Variants in ANK3 observed in about 807,000 individuals in gnomAD.
The protein encoded by ANK3 is ankyrin-3.
A neutral mutation model predicts 370.9 loss-of-function variants in ANK3; 57 were observed. That is an observed-to-expected ratio of 0.15 (90% CI 0.12 to 0.19). The LOEUF (loss-of-function observed/expected upper bound fraction) is 0.19, where lower values mean the gene tolerates loss of function less well. Ranked by LOEUF, ANK3 falls within the 10% of genes least tolerant of loss-of-function variation. The pLI, the probability that ANK3 is intolerant of heterozygous loss-of-function variation, is 1.00. For synonymous variants in ANK3, 1,929 were observed against 1,946.3 expected (o/e 0.99, Z 0.23); for missense variants, 4,439 against 5,302.1 (o/e 0.84, Z 5.06).
At chr10:60,363,073 G>A (rs1351407412) in intron 1 of ANK3, among the ~76,000 whole-genome samples, 3 of 144,880 alleles carry the variant, frequency 2.1e-5, no homozygotes, top group African/African-American at 5.0e-5. Context: ...CTGGGGTTGC[G>A]GCGGGCGGGC....
intron 25 of ANK3, among the ~76,000 whole-genome samples, chr10:60,120,696 A>T (rs1169580433): frequency 6.6e-6 from 1 of 152,220 alleles, no homozygotes; most frequent in African/African-American, 2.4e-5. Context: ...AGACATACAA[A>T]TGGCAAACCG....
rs10994393 is a variant in ANK3 at position 60,513,869 on chromosome 10, G to A, written c.96+101317C>T. On this transcript the variant is annotated intron_variant, in intron 2 of 43. Coordinates refer to the ANK3 transcript ENST00000373827. ...AACCCTGAGCAACATGCGTTTGCAC[G>A]GAGTGAGTCCACTTATACACGGACC... Among the ~76,000 whole-genome samples the A allele has an allele frequency of 8.0e-3, 1,215 of 152,176 alleles. 9 individuals carry two copies. The highest frequency in any genetic ancestry group is 0.011 in the Non-Finnish European group (720 of 67,998).
chr10:60,223,191 CTT>C, intron 8 of ANK3, among the ~76,000 whole-genome samples: 2 of 152,346 alleles, frequency 1.3e-5, no homozygotes, highest in African/African-American at 4.8e-5. Flanking sequence ...CCCTGCCACT[CTT>C]ATCAATCTGA....
intron 4 of ANK3, among the ~76,000 whole-genome samples, chr10:60,275,142 G>A (rs2098068876): frequency 6.6e-6 from 1 of 152,136 alleles, no homozygotes; most frequent in Non-Finnish European, 1.5e-5. Flanking sequence ...TAGCTAAAAA[G>A]GAATATATGG....
In ANK3 at chr10:60,526,160, A is replaced by C. The variant is rs113200568; in HGVS notation, c.96+89026T>G. Among the ~76,000 whole-genome samples, 90 of 152,250 alleles carry C rather than the reference A, an allele frequency of 5.9e-4. 1 individual carries two copies. The highest frequency in any genetic ancestry group is 1.9e-3 in the African/African-American group (81 of 41,572). ...CTTGCATAATTCCCTTAGTTAACAG[A>C]GTCCTCTCAGTGAAATCCAATACAC... On this transcript the variant is annotated intron_variant, in intron 2 of 43. Transcript: ENST00000373827.
At chr10:60,480,254 A>C (rs988284961) in intron 2 of ANK3, among the ~76,000 whole-genome samples, 20 of 152,168 alleles carry the variant, frequency 1.3e-4, no homozygotes, top group Admixed American at 2.6e-4. Context: ...TGTCCATGAG[A>C]GCTCAAGACC....
intron 4 of ANK3, among the ~76,000 whole-genome samples, chr10:60,271,058 A>G (rs2097970739): frequency 6.6e-6 from 1 of 152,138 alleles, no homozygotes; most frequent in African/African-American, 2.4e-5. Context: ...TTTTCCTACT[A>G]AAAAAATGTT....
intron 2 of ANK3, among the ~76,000 whole-genome samples, chr10:60,536,492 C>T (rs757086642): frequency 2.0e-5 from 3 of 152,104 alleles, no homozygotes; most frequent in South Asian, 2.1e-4. Context: ...GGAAACATTG[C>T]CTTCATAAAA....
chr10:60,596,855 C>A (rs1410151819), intron 2 of ANK3, among the ~76,000 whole-genome samples: 1 of 152,078 alleles, frequency 6.6e-6, no homozygotes, highest in Non-Finnish European at 1.5e-5. Flanking sequence ...AAAACAGAAG[C>A]ATGAAATCAC....
intron 7 of ANK3, among the ~76,000 whole-genome samples, chr10:60,250,943 C>G (rs979507568): frequency 6.6e-6 from 1 of 152,190 alleles, no homozygotes; most frequent in African/African-American, 2.4e-5. Flanking sequence ...CGTCAAAGCC[C>G]AAACACACAT....
At chr10:60,454,899 A>T (rs2064707455) in intron 2 of ANK3, among the ~76,000 whole-genome samples, 1 of 152,212 alleles carries the variant, frequency 6.6e-6, no homozygotes, top group African/African-American at 2.4e-5. Context: ...ACTCAAATTG[A>T]GCAGGGGGAA....
At chr10:60,687,624 T>C (rs1462418819) in intron 1 of ANK3, among the ~76,000 whole-genome samples, 2 of 152,006 alleles carry the variant, frequency 1.3e-5, no homozygotes, top group East Asian at 1.9e-4. Context: ...CGATATAAAA[T>C]AGCACAACGG....
At chr10:60,265,295 T>C (rs2132654363) in intron 5 of ANK3, among the ~76,000 whole-genome samples, 1 of 152,300 alleles carries the variant, frequency 6.6e-6, no homozygotes, top group African/African-American at 2.4e-5. Flanking sequence ...ACCACCATGT[T>C]CCTCTCTGCT....
At chr10:60,278,024 A>G (rs948999300) in intron 4 of ANK3, among the ~76,000 whole-genome samples, 1 of 152,238 alleles carries the variant, frequency 6.6e-6, no homozygotes, top group East Asian at 1.9e-4. Flanking sequence ...ATAATAAAGC[A>G]AAGTTAATTC....
rs2079077566 is a variant in ANK3, at chr10:60,672,740, C to T, written c.58-57516G>A. ...GGTCCTAGGAACCCAGATTTACAACCAGTTGATCAGAAGCATAGGTGACAA... is the reference window on the plus strand; with the variant it reads ...GGTCCTAGGAACCCAGATTTACAACTAGTTGATCAGAAGCATAGGTGACAA... On this transcript the variant is annotated intron_variant, in intron 1 of 43. Transcript: ENST00000373827. Among the ~76,000 whole-genome samples, 6 of 152,316 alleles carry T rather than the reference C, an allele frequency of 3.9e-5. No individual in the cohort carries two copies. The South Asian group carries it at 1.0e-3, about 26-fold the overall frequency.
At position 60,086,882 on chromosome 10, in the gene ANK3, G is replaced by C; in HGVS notation, c.3543C>G (p.Ala1181=). Residue 1181 remains alanine (A), a splice_region_variant and synonymous_variant, in exon 30 of 44, where the codon GCC becomes GCG. Coordinates refer to ENST00000280772, the MANE Select transcript of ANK3 (RefSeq NM_020987.5). ...LTKRIRVGLQ[A]QPVPDEIVKK... Reference sequence around the variant, plus strand: ...TCACAATTTCATCTGGAACAGGCTGGGCCTAGAGACAGAGAAAGGACTTTA... The same window carrying C: ...TCACAATTTCATCTGGAACAGGCTGCGCCTAGAGACAGAGAAAGGACTTTA... 1 of 1,611,022 alleles carries C rather than the reference G, an allele frequency of 6.2e-7. No individual in the cohort carries two copies. The highest frequency in any genetic ancestry group is 8.5e-7 in the Non-Finnish European group (1 of 1,179,104).
At chr10:60,722,698 G>A (rs997021873) in intron 1 of ANK3, among the ~76,000 whole-genome samples, 1 of 152,156 alleles carries the variant, frequency 6.6e-6, no homozygotes, top group Non-Finnish European at 1.5e-5. Context: ...GATCATGGGG[G>A]CAGATCCCTC....
intron 23 of ANK3, among the ~76,000 whole-genome samples, chr10:60,142,712 C>G (rs1229376137): frequency 6.6e-6 from 1 of 152,052 alleles, no homozygotes; most frequent in Non-Finnish European, 1.5e-5. Context: ...TGTCAACACA[C>G]TTGGCCAAAG....
At chr10:60,105,836 A>G (rs755121020) in intron 28 of ANK3, 69 bp downstream of exon 28, 82 of 1,470,280 alleles carry the variant, frequency 5.6e-5, no homozygotes, top group Non-Finnish European at 7.0e-5. Context: ...GTCCTGTTTC[A>G]TGTAATCTAG....
Sources: gnomAD v4.1 joint callset for allele counts (sites outside exome capture counted in the v4.1 genomes callset) on GRCh38, gnomAD v4.1.1 for gene constraint, MANE v1.5 for transcripts, NCBI Gene and HGNC (gene_info 2026-07-23, HGNC 2026-07-21) for gene names.